The following PKHD1L1 variants were observed in gnomAD, a reference collection of about 807,000 sequenced individuals.
The protein encoded by PKHD1L1 is PKHD1 like 1.
Under a neutral mutation model 462.9 loss-of-function variants are expected in PKHD1L1, and 434 were observed. That is an observed-to-expected ratio of 0.94 (90% CI 0.87 to 1.02). The LOEUF (loss-of-function observed/expected upper bound fraction) is 1.02, where lower values mean the gene tolerates loss of function less well. Among genes scored for constraint, PKHD1L1 ranks in the 50% least tolerant of loss-of-function variants. The probability of loss-of-function intolerance (pLI) is 0.00; values close to 1 mark genes in which losing one functional copy is unlikely to be tolerated. For missense variants in PKHD1L1, 5,202 were observed against 5,096.1 expected (o/e 1.02, Z -0.63); for synonymous variants, 1,781 against 1,750.0 (o/e 1.02, Z -0.44).
intron 20 of PKHD1L1, 64 bp from the exon 21 acceptor site, chr8:109,413,357 G>A (rs1813959951): frequency 3.7e-6 from 4 of 1,088,250 alleles, no homozygotes; most frequent in Non-Finnish European, 3.7e-6. Context: ...GAATTTATTT[G>A]AATTGTTGTG....
intron 16 of PKHD1L1, among the ~76,000 whole-genome samples, chr8:109,405,991 T>C (rs1421046635): frequency 6.6e-6 from 1 of 152,220 alleles, no homozygotes; most frequent in East Asian, 1.9e-4. Context: ...TTCTATATTT[T>C]ACAATAAATC....
In PKHD1L1 at chr8:109,453,216, C is replaced by T. The variant is rs193098266; in HGVS notation, c.6664+342C>T. The stretch of plus-strand genomic sequence containing the variant: ...GCATGCCCGCCCACTTTCACTAGAT[C>T]ACAACAAAAAAGGTATTTTCCACTT... On this transcript the variant is annotated intron_variant, in intron 43 of 77. Transcript: ENST00000378402. Among the ~76,000 whole-genome samples, 203 of 152,110 alleles carry T rather than the reference C, an allele frequency of 1.3e-3. 2 individuals are homozygous for T. The highest frequency in any genetic ancestry group is 4.7e-3 in the African/African-American group (196 of 41,498).
intron 72 of PKHD1L1, among the ~76,000 whole-genome samples, 160 bp from the exon 73 acceptor site, chr8:109,518,007 T>A (rs1158684017): frequency 6.6e-6 from 1 of 152,200 alleles, no homozygotes; most frequent in Non-Finnish European, 1.5e-5. Context: ...AGGTCAGTTC[T>A]ATAAGTGTTT....
chr8:109,425,266 C>G, intron 24 of PKHD1L1, 34 bp downstream of exon 24: 1 of 1,512,556 alleles, frequency 6.6e-7, no homozygotes, highest in Non-Finnish European at 8.8e-7. Context: ...TTGGTGTATA[C>G]GCACACACAT....
At position 109,445,315 on chromosome 8, in the gene PKHD1L1, G is replaced by A; in HGVS notation, c.5446G>A (p.Val1816Met). 1 of 1,613,946 alleles carries A rather than the reference G, an allele frequency of 6.2e-7. No individual in the cohort carries two copies. The highest frequency in any genetic ancestry group is 1.1e-5 in the South Asian group (1 of 91,066). Residue 1816 changes from valine to methionine, a missense_variant, in exon 38 of 78, where the codon GTG becomes ATG. Coordinates refer to ENST00000378402, the MANE Select transcript of PKHD1L1 (RefSeq NM_177531.6). ...TGGACATCATTCTGTTAGTGTTGTG[G>A]TGGGAAGTAAAGGCTTGGCTCTGGG... ...PVGHHSVSVV[V>M]GSKGLALGNL...
At chr8:109,470,075 G>T in intron 50 of PKHD1L1, 1 of 426,108 alleles carries the variant, frequency 2.3e-6, no homozygotes, top group South Asian at 7.1e-5. Flanking sequence ...CAGAAACACA[G>T]ACATGTGCAA....
At chr8:109,404,279 G>A (rs894681661) in intron 14 of PKHD1L1, among the ~76,000 whole-genome samples, 14 of 152,116 alleles carry the variant, frequency 9.2e-5, no homozygotes, top group African/African-American at 3.4e-4. Context: ...ATAAGAAATA[G>A]TATTGTCTTC....
At chr8:109,429,170 T>C (rs917708898) in intron 25 of PKHD1L1, among the ~76,000 whole-genome samples, 170 bp from the exon 26 acceptor site, 1 of 152,216 alleles carries the variant, frequency 6.6e-6, no homozygotes. Context: ...GTTATGTTCA[T>C]TTTTGAAGAG....
chr8:109,490,051 G>C lies in PKHD1L1; in HGVS notation c.9980G>C (p.Gly3327Ala). The C allele has an allele frequency of 6.3e-7, 1 of 1,582,540 alleles. No homozygotes were observed. The highest frequency in any genetic ancestry group is 2.2e-5 in the East Asian group (1 of 44,510). Residue 3327 changes from glycine to alanine, a missense_variant, in exon 60 of 78, where the codon GGA (glycine) becomes GCA (alanine). Transcript: ENST00000378402. ...PRYAVTFLNLGQIQEHGSSYI... is the reference protein window; with the variant it reads ...PRYAVTFLNLAQIQEHGSSYI... ...TATGCTGTAACGTTTCTTAACCTAG[G>C]ACAGGTTTGTGCTTTATTTTTAATT...
At chr8:109,492,818 T>C (rs1818899643) in intron 62 of PKHD1L1, among the ~76,000 whole-genome samples, 1 of 151,892 alleles carries the variant, frequency 6.6e-6, no homozygotes, top group South Asian at 2.1e-4. Context: ...TTTGACTGTT[T>C]TGCTGACACC....
chr8:109,520,066 G>A (rs541215571), intron 73 of PKHD1L1, among the ~76,000 whole-genome samples: 2 of 152,196 alleles, frequency 1.3e-5, no homozygotes, highest in South Asian at 4.2e-4. Context: ...TCTTCCATTG[G>A]GGGGATAAGC....
At chr8:109,508,041 T>A in intron 69 of PKHD1L1, 56 bp from the exon 70 acceptor site, 3 of 1,522,718 alleles carry the variant, frequency 2.0e-6, no homozygotes, top group Admixed American at 4.2e-5. Context: ...GTTATAAGGA[T>A]TTTTTTGCAA....
At chr8:109,413,152 G>T (rs935498721) in intron 20 of PKHD1L1, among the ~76,000 whole-genome samples, 1 of 152,018 alleles carries the variant, frequency 6.6e-6, no homozygotes, top group Non-Finnish European at 1.5e-5. Context: ...AGAGTGAATT[G>T]TTTCCAGTTT....
At chr8:109,389,526 G>GTGTT (rs1812611426) in intron 8 of PKHD1L1, among the ~76,000 whole-genome samples, 1 of 150,754 alleles carries the variant, frequency 6.6e-6, no homozygotes. Flanking sequence ...GTGTGTGTGT[G>GTGTT]TGTGTGTGTG....
At position 109,526,882 on chromosome 8, in the gene PKHD1L1, A is replaced by T; in HGVS notation, c.12583A>T (p.Ser4195Cys). The change falls in exon 77 of 78, where the codon AGC (serine) becomes TGC (cysteine). Residue 4195 changes from serine to cysteine, a missense_variant. By Grantham distance (112) the Ser-to-Cys change is moderately radical. Around this residue, in one of 3 missense-constraint regions of PKHD1L1, gnomAD observed 698 missense variants for 736.3 expected, o/e 0.95. Coordinates refer to ENST00000378402, the MANE Select transcript of PKHD1L1 (RefSeq NM_177531.6). ...AGAGTCTGTCTCTAGCAGTGGCAGCAGCAGCAGCAGCAACAGCAAAGCATC... is the reference window on the plus strand; with the variant it reads ...AGAGTCTGTCTCTAGCAGTGGCAGCTGCAGCAGCAGCAACAGCAAAGCATC... ...LAESVSSSGS[S>C]SSSNSKASTV... 6.2e-7 allele frequency: 1 copy of T among 1,609,322 alleles called. No homozygotes were observed. Among genetic ancestry groups the T allele is most frequent in the Non-Finnish European group, 8.5e-7 (1 of 1,177,904 alleles).
Position 109,475,847 on chromosome 8 carries a change from C to CAAAAAAAAAAAAAAAAAAAAA in PKHD1L1, c.8757+594_8757+595insAAAAAAAAAAAAAAAAAAAAA, listed in dbSNP as rs35419700. Among the ~76,000 whole-genome samples the CAAAAAAAAAAAAAAAAAAAAA allele has an allele frequency of 2.1e-5, 2 of 95,286 alleles. 1 individual carries two copies. Among genetic ancestry groups the CAAAAAAAAAAAAAAAAAAAAA allele is most frequent in the Non-Finnish European group, 4.2e-5 (2 of 47,424 alleles). 62.5% of individuals were successfully genotyped at this position (95,286 alleles called of 152,430 possible). A position where few individuals can be genotyped will look rare whatever the true frequency, so the allele number is the denominator to read the frequency against. On this transcript the variant is annotated intron_variant, in intron 51 of 77. Coordinates refer to ENST00000378402, the MANE Select transcript of PKHD1L1 (RefSeq NM_177531.6). The stretch of plus-strand genomic sequence containing the variant: ...TGGGCGACAGAGGGAGACTCCATCT[C>CAAAAAAAAAAAAAAAAAAAAA]AAAAAAAAAAAAAAAAGCCACTACC...
chr8:109,506,945 A>C (rs895114512), intron 68 of PKHD1L1, among the ~76,000 whole-genome samples: 1 of 152,172 alleles, frequency 6.6e-6, no homozygotes, highest in Non-Finnish European at 1.5e-5. Context: ...ACAATCAATC[A>C]ACACTCCAGG....
At chr8:109,434,883 G>C (rs1320638549) in intron 28 of PKHD1L1, among the ~76,000 whole-genome samples, 1 of 150,486 alleles carries the variant, frequency 6.6e-6, no homozygotes, top group Non-Finnish European at 1.5e-5. Flanking sequence ...TTATAAACTA[G>C]TTTTTTTTTT....
At chr8:109,395,217 T>G (rs751413172) in intron 10 of PKHD1L1, among the ~76,000 whole-genome samples, 1 of 152,252 alleles carries the variant, frequency 6.6e-6, no homozygotes, top group Non-Finnish European at 1.5e-5. Context: ...TGTCTGAGAT[T>G]TATGCTCTCA....
Sources: allele counts gnomAD v4.1 joint callset (sites outside exome capture counted in the v4.1 genomes callset), GRCh38; gene constraint gnomAD v4.1.1; regional missense constraint gnomAD v4.1.1; transcripts MANE v1.5; gene names NCBI Gene and HGNC (gene_info 2026-07-23, HGNC 2026-07-21).